Variants in CACNA1E observed in about 807,000 individuals in gnomAD.
CACNA1E encodes voltage-dependent R-type calcium channel subunit alpha-1E.
Under a neutral mutation model 259.2 loss-of-function variants are expected in CACNA1E, and 40 were observed. The observed-to-expected ratio is 0.15, with a 90% CI of 0.12 to 0.20. The LOEUF is 0.20. CACNA1E is among the 10% of genes least tolerant of loss of function. The pLI is 1.00. For synonymous variants in CACNA1E, 1,104 were observed against 1,138.5 expected (o/e 0.97, Z 0.61); for missense variants, 1,874 against 3,040.1 (o/e 0.62, Z 9.02).
chr1:181,437,190 T>C lies in CACNA1E; in HGVS notation c.434+23610T>C, dbSNP rs192135653. On this transcript the variant is annotated intron_variant, in intron 2 of 11. Transcript: ENST00000524607. ...ACCCTCTTATTGCCACAGACTTCTG[T>C]GCTCACTGCATGGCCAATATGTGTA... 2.6e-3 allele frequency among the ~76,000 whole-genome samples: 391 copies of C among 152,314 alleles called. 4 individuals carry two copies. Among genetic ancestry groups the C allele is most frequent in the African/African-American group, 8.7e-3 (362 of 41,574 alleles).
intron 2 of CACNA1E, among the ~76,000 whole-genome samples, chr1:181,421,736 A>G (rs1049864951): frequency 6.6e-6 from 1 of 152,148 alleles, no homozygotes; most frequent in Non-Finnish European, 1.5e-5. Flanking sequence ...CCCTGTCAAT[A>G]ACATCTCCCA....
At chr1:181,329,473 C>T (rs1651062993) in intron 1 of CACNA1E, among the ~76,000 whole-genome samples, 1 of 152,194 alleles carries the variant, frequency 6.6e-6, no homozygotes, top group Non-Finnish European at 1.5e-5. Context: ...TCAATGCCTA[C>T]TTTGCTCTCT....
intron 1 of CACNA1E, among the ~76,000 whole-genome samples, chr1:181,494,887 T>A (rs1337898093): frequency 6.6e-6 from 1 of 152,260 alleles, no homozygotes; most frequent in African/African-American, 2.4e-5. Flanking sequence ...ATCATCAGTG[T>A]ATTAGTCAGT....
At position 181,334,739 on chromosome 1, in the gene CACNA1E, T is replaced by TA. The variant is rs1389757071; in HGVS notation, c.-15+16616_-15+16617insA. ...ACAGCCTACCACTAACTGACACAGG[T>TA]GGTCATGCTGCCCTACCTGGAGTGT... On this transcript the variant is annotated intron_variant, in intron 1 of 11. Coordinates refer to the CACNA1E transcript ENST00000524607. Among the ~76,000 whole-genome samples, 7 of 152,192 alleles carry TA rather than the reference T, an allele frequency of 4.6e-5. No homozygotes were observed. In the East Asian group the frequency reaches 1.3e-3, roughly 29 times the overall value.
chr1:181,500,203 T>G (rs2102559044), intron 1 of CACNA1E, among the ~76,000 whole-genome samples: 1 of 152,320 alleles, frequency 6.6e-6, no homozygotes, highest in Non-Finnish European at 1.5e-5. Flanking sequence ...TCCTACCTGG[T>G]TGGTTCACCC....
chr1:181,337,655 C>A (rs566943406), intron 1 of CACNA1E, among the ~76,000 whole-genome samples: 2 of 152,244 alleles, frequency 1.3e-5, no homozygotes, highest in South Asian at 4.1e-4. Context: ...CTATAACATC[C>A]TCCAGTTTCA....
At chr1:181,378,714 A>G (rs949445681) in intron 1 of CACNA1E, among the ~76,000 whole-genome samples, 4 of 152,232 alleles carry the variant, frequency 2.6e-5, no homozygotes, top group African/African-American at 7.2e-5. Flanking sequence ...GCCTATTCTC[A>G]GTAGGCTGAC....
At chr1:181,718,191 T>G in intron 12 of CACNA1E, 24 bp downstream of exon 12, 1 of 1,217,096 alleles carries the variant, frequency 8.2e-7, no homozygotes, top group Non-Finnish European at 1.2e-6. Context: ...AGCCTGCCTC[T>G]GCTCCTGCTT....
intron 6 of CACNA1E, among the ~76,000 whole-genome samples, chr1:181,640,865 T>C (rs1174132031): frequency 6.6e-6 from 1 of 152,210 alleles, no homozygotes; most frequent in East Asian, 1.9e-4. Flanking sequence ...GGAGTAATAT[T>C]CTAGGCATTT....
chr1:181,757,776 A>C (rs544265275), intron 30 of CACNA1E, among the ~76,000 whole-genome samples, 171 bp from the exon 31 acceptor site: 2 of 152,110 alleles, frequency 1.3e-5, no homozygotes, highest in Non-Finnish European at 2.9e-5. Context: ...TACTCCTTTA[A>C]GGTGACGCCT....
chr1:181,541,474 G>A (rs1484327751), intron 3 of CACNA1E, among the ~76,000 whole-genome samples: 1 of 152,150 alleles, frequency 6.6e-6, no homozygotes. Flanking sequence ...GGGATGATTT[G>A]CAGTTTGATG....
chr1:181,567,165 C>A (rs145662685), intron 3 of CACNA1E, among the ~76,000 whole-genome samples: 2 of 152,076 alleles, frequency 1.3e-5, no homozygotes, highest in African/African-American at 2.4e-5. Flanking sequence ...ACTTCATACC[C>A]GCTAGGATTT....
intron 8 of CACNA1E, among the ~76,000 whole-genome samples, chr1:181,713,542 GA>G (rs1433105073): frequency 1.3e-5 from 2 of 152,120 alleles, no homozygotes; most frequent in African/African-American, 4.8e-5. Context: ...CCCTCCCTAG[GA>G]AATACATTAT....
intron 2 of CACNA1E, among the ~76,000 whole-genome samples, chr1:181,459,359 T>C (rs1409996441): frequency 6.6e-6 from 1 of 152,248 alleles, no homozygotes; most frequent in Non-Finnish European, 1.5e-5. Flanking sequence ...GAACTTGCCC[T>C]TTACACATGT....
At chr1:181,595,751 G>A (rs2103041306) in intron 6 of CACNA1E, among the ~76,000 whole-genome samples, 1 of 152,244 alleles carries the variant, frequency 6.6e-6, no homozygotes, top group Middle Eastern at 3.4e-3. Context: ...AGATTCCATT[G>A]CCTCATTGAG....
At chr1:181,340,957 G>T (rs1249385168) in intron 1 of CACNA1E, among the ~76,000 whole-genome samples, 2 of 152,010 alleles carry the variant, frequency 1.3e-5, no homozygotes, top group African/African-American at 4.8e-5. Context: ...TGACAAAGAG[G>T]GTGTCTATTT....
intron 6 of CACNA1E, among the ~76,000 whole-genome samples, chr1:181,616,243 T>A (rs775265532): frequency 5.3e-5 from 8 of 152,262 alleles, no homozygotes; most frequent in Non-Finnish European, 1.0e-4. Flanking sequence ...CTTTTTCTAC[T>A]CTTTGGAAGA....
chr1:181,495,220 G>T (rs1475155411), intron 1 of CACNA1E, among the ~76,000 whole-genome samples: 1 of 152,210 alleles, frequency 6.6e-6, no homozygotes, highest in African/African-American at 2.4e-5. Flanking sequence ...GTTGATGAAA[G>T]CTTCACCTTA....
At chr1:181,680,127 A>G (rs2102256892) in intron 7 of CACNA1E, among the ~76,000 whole-genome samples, 1 of 132,302 alleles carries the variant, frequency 7.6e-6, no homozygotes, top group East Asian at 2.0e-4. Flanking sequence ...AAAAAAAAAA[A>G]AAAAAAAGAG....
Sources: gnomAD v4.1 joint callset for allele counts (sites outside exome capture counted in the v4.1 genomes callset) on GRCh38, gnomAD v4.1.1 for gene constraint, MANE v1.5 for transcripts, NCBI Gene and HGNC (gene_info 2026-07-23, HGNC 2026-07-21) for gene names.